Variants in NCKAP1 observed in about 807,000 individuals in gnomAD.
NCKAP1 encodes NCK associated protein 1.
A neutral mutation model predicts 151.2 loss-of-function variants in NCKAP1; 21 were observed. The ratio of observed to expected loss-of-function variants is 0.14; its 90% CI spans 0.10 to 0.20. The LOEUF is 0.20. Among genes scored for constraint, NCKAP1 ranks in the 10% least tolerant of loss-of-function variants. The pLI, the probability that NCKAP1 is intolerant of heterozygous loss-of-function variation, is 1.00. For synonymous variants in NCKAP1, 484 were observed against 451.8 expected, an observed-to-expected ratio of 1.07 and a Z score of -0.90; for missense variants, 933 against 1,352.1, an observed-to-expected ratio of 0.69 and a Z score of 4.86.
intron 1 of NCKAP1, among the ~76,000 whole-genome samples, chr2:183,027,691 C>CA (rs1354176574): frequency 6.6e-6 from 1 of 151,792 alleles, no homozygotes; most frequent in African/African-American, 2.4e-5. Context: ...CCTATCTCTA[C>CA]AAAAAAATTT....
Position 182,918,745 on chromosome 2 carries a change from C to T in NCKAP1, c.*6957G>A, listed in dbSNP as rs1249399971. 4 of 152,170 alleles carry T rather than the reference C, an allele frequency of 2.6e-5. No homozygotes were observed. Among genetic ancestry groups the T allele is most frequent in the Admixed American group, 2.6e-4 (4 of 15,280 alleles). 9.4% of individuals were successfully genotyped at this position (152,170 alleles called of 1,614,324 possible). ...ACACATTGGGTACAATGCATACTACCTGGGTGACAGGTACACTAAAACCTC... is the reference window on the plus strand; with the variant it reads ...ACACATTGGGTACAATGCATACTACTTGGGTGACAGGTACACTAAAACCTC... On this transcript the variant is annotated 3_prime_UTR_variant, in exon 31 of 31. Transcript: ENST00000361354.
chr2:183,010,711 T>G (rs988416579), intron 2 of NCKAP1, among the ~76,000 whole-genome samples: 1 of 152,222 alleles, frequency 6.6e-6, no homozygotes, highest in Non-Finnish European at 1.5e-5. Context: ...TTATCATCAG[T>G]ACTACAAAAA....
intron 18 of NCKAP1, among the ~76,000 whole-genome samples, chr2:182,961,360 A>G (rs1481275472): frequency 2.0e-5 from 3 of 152,242 alleles, no homozygotes; most frequent in Admixed American, 2.0e-4. Context: ...AGACTGGATT[A>G]AGAAAATGTG....
At position 183,038,256 on chromosome 2, in the gene NCKAP1, C is replaced by T. The variant is rs948683239; in HGVS notation, c.-157G>A. 2.2e-5 allele frequency: 10 copies of T among 450,818 alleles called. No homozygotes were observed. Among genetic ancestry groups the T allele is most frequent in the African/African-American group, 1.9e-4 (9 of 48,240 alleles). 27.9% of individuals were successfully genotyped at this position (450,818 alleles called of 1,614,324 possible). A position where few individuals can be genotyped will look rare whatever the true frequency, so the allele number is the denominator to read the frequency against. On this transcript the variant is annotated 5_prime_UTR_variant, in exon 1 of 31. Coordinates refer to ENST00000361354, the MANE Select transcript of NCKAP1 (RefSeq NM_013436.5). ...CCCTCGCGCCCCAATCCCGCGCCGG[C>T]GACAGAGCGAGCCGCGGCGGACTCC... is the stretch of plus-strand genomic sequence containing the variant.
intron 18 of NCKAP1, among the ~76,000 whole-genome samples, chr2:182,957,946 A>G (rs1697359208): frequency 6.6e-6 from 1 of 152,156 alleles, no homozygotes; most frequent in African/African-American, 2.4e-5. Context: ...TGGCCTTTGG[A>G]AAAAAACTGT....
At chr2:182,968,292 T>C (rs1028881495) in intron 15 of NCKAP1, among the ~76,000 whole-genome samples, 1 of 152,104 alleles carries the variant, frequency 6.6e-6, no homozygotes. Context: ...GGCATTACAA[T>C]GGTCTGGTTT....
intron 18 of NCKAP1, among the ~76,000 whole-genome samples, chr2:182,959,137 G>C (rs777533681): frequency 2.0e-5 from 3 of 152,118 alleles, no homozygotes; most frequent in Non-Finnish European, 4.4e-5. Context: ...ATTATACCTA[G>C]ATAGTAACTA....
At chr2:182,983,781 C>T (rs892665233) in intron 10 of NCKAP1, among the ~76,000 whole-genome samples, 3 of 152,096 alleles carry the variant, frequency 2.0e-5, no homozygotes, top group Non-Finnish European at 4.4e-5. Context: ...GCCTGTAATC[C>T]CAGCACTTTG....
At chr2:182,999,208 C>T (rs1326875236) in intron 6 of NCKAP1, among the ~76,000 whole-genome samples, 1 of 151,936 alleles carries the variant, frequency 6.6e-6, no homozygotes, top group East Asian at 1.9e-4. Context: ...AATAAAGAGA[C>T]AACTTACAGA....
intron 24 of NCKAP1, among the ~76,000 whole-genome samples, chr2:182,937,267 T>C (rs1373210939): frequency 6.6e-6 from 1 of 152,146 alleles, no homozygotes; most frequent in Non-Finnish European, 1.5e-5. Context: ...ATCTTGAATG[T>C]GTACAATAAT....
chr2:183,033,667 G>A (rs540713102), intron 1 of NCKAP1, among the ~76,000 whole-genome samples: 3 of 152,246 alleles, frequency 2.0e-5, no homozygotes, highest in Admixed American at 2.0e-4. Flanking sequence ...TCATATGATG[G>A]CTTATAAAAC....
intron 28 of NCKAP1, 40 bp downstream of exon 28, chr2:182,928,743 T>C (rs1018684240): frequency 3.0e-6 from 4 of 1,334,638 alleles, no homozygotes; most frequent in Admixed American, 2.0e-5. Context: ...CCAAAACCCA[T>C]GATTTATTCA....
intron 15 of NCKAP1, 115 bp from the exon 16 acceptor site, chr2:182,967,476 T>A (rs1441588311): frequency 2.2e-6 from 2 of 915,500 alleles, no homozygotes; most frequent in Non-Finnish European, 3.4e-6. Flanking sequence ...ACTGTGACAC[T>A]GACAGTAACA....
intron 24 of NCKAP1, among the ~76,000 whole-genome samples, chr2:182,938,246 A>T (rs1302610251): frequency 6.6e-6 from 1 of 152,266 alleles, no homozygotes; most frequent in African/African-American, 2.4e-5. Flanking sequence ...ATAAGGGAAG[A>T]GAAAATTTGG....
chr2:182,940,778 AAC>A (rs1696979945), intron 24 of NCKAP1, among the ~76,000 whole-genome samples: 1 of 152,218 alleles, frequency 6.6e-6, no homozygotes, highest in African/African-American at 2.4e-5. Context: ...ACCACTATGT[AAC>A]ACACAGTGAT....
chr2:182,989,414 G>GA (rs1698122683), intron 8 of NCKAP1, among the ~76,000 whole-genome samples: 1 of 151,962 alleles, frequency 6.6e-6, no homozygotes, highest in Admixed American at 6.6e-5. Context: ...GACAAAACGG[G>GA]AAAAATGTCA....
intron 24 of NCKAP1, among the ~76,000 whole-genome samples, chr2:182,938,636 C>T (rs371316468): frequency 1.1e-4 from 17 of 152,078 alleles, no homozygotes; most frequent in South Asian, 2.1e-4. Context: ...GCCAGTTTAA[C>T]GACAGACTTA....
Position 183,038,390 on chromosome 2 carries a change from C to A in NCKAP1, c.-291G>T. On this transcript the variant is annotated 5_prime_UTR_variant, in exon 1 of 31. Coordinates refer to ENST00000361354, the MANE Select transcript of NCKAP1 (RefSeq NM_013436.5). ...CTCTCCGCCCCAGCCCCCAACGAGC[C>A]GCCTTCCCCGGCTGCTCCACTAGGT... 4.1e-6 allele frequency: 1 copy of A among 246,172 alleles called. No individual in the cohort carries two copies. The highest frequency in any genetic ancestry group is 7.6e-6 in the Non-Finnish European group (1 of 131,818). The allele number at this position is 246,172 out of a possible 1,614,324, so 15.2% of individuals were successfully genotyped here.
chr2:183,011,663 GT>G (rs1698592376), intron 2 of NCKAP1, among the ~76,000 whole-genome samples: 1 of 152,158 alleles, frequency 6.6e-6, no homozygotes, highest in African/African-American at 2.4e-5. Context: ...TCATTCGTCA[GT>G]TAATAGGCAT....
Sources: allele counts gnomAD v4.1 joint callset (sites outside exome capture counted in the v4.1 genomes callset), GRCh38; gene constraint gnomAD v4.1.1; transcripts MANE v1.5; gene names NCBI Gene and HGNC (gene_info 2026-07-23, HGNC 2026-07-21).